RAP1GAP2: variants seen among roughly 807,000 people sequenced by gnomAD.
RAP1GAP2 encodes the protein RAP1 GTPase activating protein 2.
In RAP1GAP2, 27 loss-of-function variants were observed where a neutral mutation model predicts 95.0. The ratio of observed to expected loss-of-function variants is 0.28; its 90% CI spans 0.21 to 0.39. The LOEUF is 0.39. Among genes scored for constraint, RAP1GAP2 ranks in the 10% least tolerant of loss-of-function variants. The probability of loss-of-function intolerance (pLI) is 1.00; values close to 1 mark genes in which losing one functional copy is unlikely to be tolerated. For synonymous variants in RAP1GAP2, 373 were observed against 380.9 expected (o/e 0.98, Z 0.24); for missense variants, 771 against 970.0 (o/e 0.79, Z 2.72).
chr17:2,905,176 C>T (rs758718072), intron 2 of RAP1GAP2, 108 bp from the exon 3 acceptor site: 1 of 1,038,604 alleles, frequency 9.6e-7, no homozygotes, highest in Non-Finnish European at 1.4e-6. Flanking sequence ...AGCCACCCAA[C>T]CCAGCCTGCA....
intron 12 of RAP1GAP2, 146 bp from the exon 13 acceptor site, chr17:2,995,191 C>T (rs573611892): frequency 1.0e-5 from 10 of 965,750 alleles, no homozygotes; most frequent in Middle Eastern, 2.7e-4. Context: ...ACCTGCTTTT[C>T]CCACATCACA....
chr17:2,864,429 A>G (rs1262287804), intron 2 of RAP1GAP2, among the ~76,000 whole-genome samples: 1 of 152,232 alleles, frequency 6.6e-6, no homozygotes, highest in African/African-American at 2.4e-5. Flanking sequence ...CAGTCTTGAG[A>G]AATCAGAAGC....
At chr17:2,929,948 G>A (rs771276669) in intron 3 of RAP1GAP2, among the ~76,000 whole-genome samples, 1 of 152,140 alleles carries the variant, frequency 6.6e-6, no homozygotes, top group Non-Finnish European at 1.5e-5. Context: ...GCAGGGCCAC[G>A]ATGAGCAGAC....
rs894736682 is a variant in RAP1GAP2 at position 2,871,582 on chromosome 17, C to G, written c.81-33702C>G. 6.6e-6 allele frequency among the ~76,000 whole-genome samples: 1 copy of G among 152,184 alleles called. No individual in the cohort carries two copies. The highest frequency in any genetic ancestry group is 1.5e-5 in the Non-Finnish European group (1 of 68,046). ...CAGCAAACACCATAGACAAAAGCTGCTTTGGAGTTGGTGCCAGCCACGGGG... is the reference window on the plus strand; with the variant it reads ...CAGCAAACACCATAGACAAAAGCTGGTTTGGAGTTGGTGCCAGCCACGGGG... On this transcript the variant is annotated intron_variant, in intron 2 of 24. Transcript: ENST00000254695. This position sits in a 1 kb window ranked among gnomAD's most constrained non-coding sequence, Gnocchi z 5.0.
intron 2 of RAP1GAP2, among the ~76,000 whole-genome samples, chr17:2,863,288 C>T (rs2072485468): frequency 6.6e-6 from 1 of 152,108 alleles, no homozygotes; most frequent in South Asian, 2.1e-4. Flanking sequence ...ATTCAGTGCC[C>T]TTGGAGCAAG....
At chr17:2,806,714 TTTA>T (rs1031647371) in intron 2 of RAP1GAP2, among the ~76,000 whole-genome samples, 2 of 147,768 alleles carry the variant, frequency 1.4e-5, no homozygotes, top group African/African-American at 2.5e-5. Context: ...ATTATTTTTA[TTTA>T]TTATTATTAT....
upstream of RAP1GAP2, among the ~76,000 whole-genome samples, chr17:2,791,763 G>T (rs1348254474): frequency 6.6e-6 from 1 of 152,124 alleles, no homozygotes; most frequent in South Asian, 2.1e-4. Flanking sequence ...CCCGCTGGCT[G>T]CTGAGAGTCA....
At chr17:2,793,883 C>T (rs556970268), upstream of RAP1GAP2, among the ~76,000 whole-genome samples, 4 of 151,924 alleles carry the variant, frequency 2.6e-5, no homozygotes, top group East Asian at 2.0e-4. Context: ...GGTGGATCAC[C>T]GGAGGTCAGG....
chr17:2,962,166 T>C (rs1419142906), intron 4 of RAP1GAP2: 1 of 160,478 alleles, frequency 6.2e-6, no homozygotes, highest in African/African-American at 2.4e-5. Context: ...CCTCCCAAAG[T>C]GCTGCGATTA....
intron 1 of RAP1GAP2, among the ~76,000 whole-genome samples, chr17:2,756,476 C>G (rs546563656): frequency 2.2e-4 from 33 of 152,310 alleles, no homozygotes; most frequent in Non-Finnish European, 3.7e-4. Flanking sequence ...AACCCACGTC[C>G]CAGGGTTCCA....
At chr17:2,798,008 G>C (rs1319665998) in intron 1 of RAP1GAP2, among the ~76,000 whole-genome samples, 1 of 152,192 alleles carries the variant, frequency 6.6e-6, no homozygotes, top group Admixed American at 6.5e-5. Flanking sequence ...GAAGCCCTCT[G>C]TGTTGAGACC....
chr17:2,757,990 C>T (rs971162910), intron 1 of RAP1GAP2, among the ~76,000 whole-genome samples: 1 of 151,994 alleles, frequency 6.6e-6, no homozygotes, highest in Non-Finnish European at 1.5e-5. Flanking sequence ...CTGCCTCAGC[C>T]TCCTGAGTAG....
rs995924645 is a variant in RAP1GAP2, at chr17:2,965,371, C to T, written c.493-169C>T. 1.1e-5 allele frequency: 7 copies of T among 616,238 alleles called. No homozygotes were observed. Among genetic ancestry groups the T allele is most frequent in the Admixed American group, 2.8e-5 (1 of 36,058 alleles). 38.2% of individuals were successfully genotyped at this position (616,238 alleles called of 1,614,324 possible). On this transcript the variant is annotated intron_variant, in intron 7 of 24. Coordinates refer to ENST00000254695, the MANE Select transcript of RAP1GAP2 (RefSeq NM_015085.5). This position sits in a 1 kb window ranked among gnomAD's most constrained non-coding sequence, Gnocchi z 4.7. ...GCCCCTGGCACGGTGCCTGGCGCCT[C>T]CTGAGGATCCGGCCGTCGGTACCTG...
chr17:2,799,663 G>A (rs1168980790), intron 1 of RAP1GAP2, among the ~76,000 whole-genome samples: 5 of 152,228 alleles, frequency 3.3e-5, no homozygotes, highest in African/African-American at 1.2e-4. Flanking sequence ...GAATCGTGAT[G>A]TTGCAAAGGC....
In RAP1GAP2 at chr17:2,980,272, T is replaced by TC; in HGVS notation, c.597-12dup. On this transcript the variant is annotated splice_polypyrimidine_tract_variant and intron_variant, in intron 8 of 24. Coordinates refer to ENST00000254695, the MANE Select transcript of RAP1GAP2 (RefSeq NM_015085.5). ...TGTTTCTTAGGGATGTCCTTTTTTC[T>TC]CCCGTCTTGTGCAGGTCCAAACTGA... 6.2e-7 allele frequency: 1 copy of TC among 1,613,334 alleles called. No homozygotes were observed. Among genetic ancestry groups the TC allele is most frequent in the Non-Finnish European group, 8.5e-7 (1 of 1,179,452 alleles).
chr17:2,770,266 G>C (rs1045692336), intron 1 of RAP1GAP2: 8 of 398,110 alleles, frequency 2.0e-5, no homozygotes, highest in Non-Finnish European at 3.5e-5. Context: ...AAGCAGGGCT[G>C]ACTCTCCCAA....
intron 2 of RAP1GAP2, among the ~76,000 whole-genome samples, chr17:2,770,623 G>A (rs1249295212): frequency 6.6e-6 from 1 of 152,354 alleles, no homozygotes; most frequent in African/African-American, 2.4e-5. Flanking sequence ...GTCCCACCTC[G>A]AATGCACTGA....
rs1238842468 is a variant in RAP1GAP2, at chr17:2,870,038, G to A, written c.81-35246G>A. ...GTTGACCTGCAGAGCAGGCCTCAGG[G>A]GTGGGAATCTGTATGGCCCCTGACC... is the stretch of plus-strand genomic sequence containing the variant. On this transcript the variant is annotated intron_variant, in intron 2 of 24. Transcript: ENST00000254695. This position sits in a 1 kb window ranked among gnomAD's most constrained non-coding sequence, Gnocchi z 4.4. Among the ~76,000 whole-genome samples the A allele has an allele frequency of 1.3e-5, 2 of 152,138 alleles. No homozygotes were observed. Among genetic ancestry groups the A allele is most frequent in the Non-Finnish European group, 2.9e-5 (2 of 68,026 alleles).
intron 3 of RAP1GAP2, among the ~76,000 whole-genome samples, chr17:2,949,555 A>C (rs533172870): frequency 6.6e-6 from 1 of 151,634 alleles, no homozygotes; most frequent in African/African-American, 2.4e-5. Context: ...GTATGCCCTG[A>C]GCATTAACTG....
Sources: allele counts gnomAD v4.1 joint callset (sites outside exome capture counted in the v4.1 genomes callset), GRCh38; gene constraint gnomAD v4.1.1; non-coding constraint Gnocchi (gnomAD v3.1); transcripts MANE v1.5; gene names NCBI Gene and HGNC (gene_info 2026-07-23, HGNC 2026-07-21).